Variants in IGSF21 observed in about 807,000 individuals in gnomAD.
IGSF21 encodes immunoglobin superfamily member 21.
Under a neutral mutation model 46.8 loss-of-function variants are expected in IGSF21, and 28 were observed. That is an observed-to-expected ratio of 0.60 (90% CI 0.44 to 0.82). The LOEUF is 0.82. Ranked by LOEUF, IGSF21 falls within the 40% of genes least tolerant of loss-of-function variation. IGSF21 has a pLI of 0.00. For synonymous variants in IGSF21, 284 were observed against 273.6 expected (o/e 1.04, Z -0.38); for missense variants, 624 against 665.5 (o/e 0.94, Z 0.69).
At chr1:18,350,133 T>G (rs750905295) in intron 4 of IGSF21, among the ~76,000 whole-genome samples, 3 of 152,040 alleles carry the variant, frequency 2.0e-5, no homozygotes, top group Non-Finnish European at 4.4e-5. Context: ...TCACCCACTG[T>G]CCACTTGGCT....
intron 2 of IGSF21, among the ~76,000 whole-genome samples, chr1:18,233,685 G>A (rs1292372281): frequency 6.6e-6 from 1 of 152,172 alleles, no homozygotes; most frequent in Admixed American, 6.5e-5. Context: ...TATAGAATAA[G>A]AGGGGAAGGT....
At chr1:18,364,434 A>G (rs894764273) in intron 5 of IGSF21, among the ~76,000 whole-genome samples, 3 of 75,790 alleles carry the variant, frequency 4.0e-5, no homozygotes, top group Non-Finnish European at 7.8e-5. Context: ...CCCTCCACAC[A>G]CTTTCCTTCC....
rs185578026 is a variant in IGSF21 at position 18,154,081 on chromosome 1, C to T, written c.70+45883C>T. ...CTGGCATCCCAGGAGCCACGGTGAG[C>T]CCACTGTCTGTGTGTTTTAGTTAAT... On this transcript the variant is annotated intron_variant, in intron 1 of 9. Coordinates refer to ENST00000251296, the MANE Select transcript of IGSF21 (RefSeq NM_032880.5). Among the ~76,000 whole-genome samples the T allele has an allele frequency of 3.9e-5, 6 of 152,310 alleles. No homozygotes were observed. In the East Asian group the frequency reaches 1.2e-3, roughly 29 times the overall value.
intron 2 of IGSF21, among the ~76,000 whole-genome samples, chr1:18,254,342 A>ACAG (rs1329328984): frequency 1.4e-5 from 2 of 147,098 alleles, no homozygotes; most frequent in African/African-American, 5.1e-5. Flanking sequence ...CTATCTGAAT[A>ACAG]CAGCGAATGG....
chr1:18,322,994 T>C lies in IGSF21; in HGVS notation c.306-11898T>C, dbSNP rs1356299176. Reference sequence around the variant, plus strand: ...AGGGCCCAAGGTGAACAGCAGTGGCTGGACAGGGCAGGAAAGAGCGGTCGG... The same window carrying C: ...AGGGCCCAAGGTGAACAGCAGTGGCCGGACAGGGCAGGAAAGAGCGGTCGG... On this transcript the variant is annotated intron_variant, in intron 3 of 9. Transcript: ENST00000251296. This position sits in a 1 kb window ranked among gnomAD's most constrained non-coding sequence, Gnocchi z 4.3. 6.6e-6 allele frequency among the ~76,000 whole-genome samples: 1 copy of C among 152,034 alleles called. No homozygotes were observed. Among genetic ancestry groups the C allele is most frequent in the Non-Finnish European group, 1.5e-5 (1 of 68,016 alleles).
intron 5 of IGSF21, among the ~76,000 whole-genome samples, chr1:18,364,379 C>T (rs2086136866): frequency 6.6e-6 from 1 of 151,564 alleles, no homozygotes; most frequent in Non-Finnish European, 1.5e-5. Flanking sequence ...TCCTACATTT[C>T]CTACCCCCAT....
chr1:18,224,191 G>A (rs1443057552), intron 1 of IGSF21, among the ~76,000 whole-genome samples: 1 of 152,100 alleles, frequency 6.6e-6, no homozygotes, highest in Admixed American at 6.5e-5. Flanking sequence ...TCCCATTCCT[G>A]GCTCAGGTTC....
At chr1:18,216,146 G>A (rs1162551068) in intron 1 of IGSF21, among the ~76,000 whole-genome samples, 1 of 152,150 alleles carries the variant, frequency 6.6e-6, no homozygotes, top group East Asian at 1.9e-4. Context: ...TCAAGGAGGG[G>A]GTGACCATCA....
chr1:18,271,699 G>A (rs1017605868), intron 2 of IGSF21, among the ~76,000 whole-genome samples: 1 of 152,200 alleles, frequency 6.6e-6, no homozygotes, highest in Non-Finnish European at 1.5e-5. Flanking sequence ...GGAGCAACAT[G>A]GTGGATGGGC....
chr1:18,146,526 G>A (rs1357057942), intron 1 of IGSF21, among the ~76,000 whole-genome samples: 2 of 152,172 alleles, frequency 1.3e-5, no homozygotes, highest in Non-Finnish European at 2.9e-5. Context: ...GGACAGTGAA[G>A]AGTCAGGCTT....
chr1:18,288,953 G>A (rs1042260483), intron 2 of IGSF21, among the ~76,000 whole-genome samples: 2 of 152,222 alleles, frequency 1.3e-5, no homozygotes, highest in South Asian at 2.1e-4. Flanking sequence ...AGGAAAACTA[G>A]TCTCGTCCTT....
chr1:18,120,823 G>A (rs1276914653), intron 1 of IGSF21, among the ~76,000 whole-genome samples: 2 of 152,160 alleles, frequency 1.3e-5, no homozygotes, highest in African/African-American at 2.4e-5. Context: ...CAAAGCGGAA[G>A]CACTAGCGCT....
chr1:18,196,886 C>A (rs922996749), intron 1 of IGSF21, among the ~76,000 whole-genome samples: 1 of 152,130 alleles, frequency 6.6e-6, no homozygotes, highest in African/African-American at 2.4e-5. Context: ...ATGCAAGCCA[C>A]AGAGACAAGT....
intron 2 of IGSF21, among the ~76,000 whole-genome samples, chr1:18,285,391 G>A (rs74380648): frequency 0.037 from 5,556 of 152,208 alleles, 343 homozygotes; most frequent in African/African-American, 0.12. Flanking sequence ...TAGATTTGCT[G>A]GTTGGGGTCA....
intron 1 of IGSF21, among the ~76,000 whole-genome samples, chr1:18,186,725 T>C (rs1440412068): frequency 2.0e-5 from 3 of 152,246 alleles, no homozygotes; most frequent in African/African-American, 4.8e-5. Flanking sequence ...TGTTTTTACC[T>C]TATTTTGCAG....
At chr1:18,209,097 A>G (rs1312037734) in intron 1 of IGSF21, among the ~76,000 whole-genome samples, 1 of 152,236 alleles carries the variant, frequency 6.6e-6, no homozygotes, top group Non-Finnish European at 1.5e-5. Flanking sequence ...GAGTGTGCAC[A>G]TAAGTAAAAA....
At position 18,335,163 on chromosome 1, in the gene IGSF21, G is replaced by A. The variant is rs751470059; in HGVS notation, c.424+153G>A. On this transcript the variant is annotated intron_variant, in intron 4 of 9. Coordinates refer to ENST00000251296, the MANE Select transcript of IGSF21 (RefSeq NM_032880.5). The surrounding 1 kb of genome is among the most constrained non-coding windows in gnomAD (Gnocchi z 4.8). ...CCCTTTCCTGCTCTTGTTGTGGAGG[G>A]GCAACCAGACCAAGCTGAGCCAAGG... Among the ~76,000 whole-genome samples the A allele has an allele frequency of 6.6e-6, 1 of 152,140 alleles. No homozygotes were observed. Among genetic ancestry groups the A allele is most frequent in the Non-Finnish European group, 1.5e-5 (1 of 68,022 alleles).
intron 2 of IGSF21, among the ~76,000 whole-genome samples, chr1:18,283,416 G>A (rs2085181879): frequency 6.6e-6 from 1 of 152,126 alleles, no homozygotes; most frequent in Admixed American, 6.5e-5. Context: ...AGGCCCCCTT[G>A]GGGAGGACAG....
At chr1:18,179,353 A>AG (rs1336687375) in intron 1 of IGSF21, 1 of 152,150 alleles carries the variant, frequency 6.6e-6, no homozygotes, top group East Asian at 1.9e-4. Context: ...TCCCTCAGAG[A>AG]GGGGCCACTG....
Sources: allele counts gnomAD v4.1 joint callset (sites outside exome capture counted in the v4.1 genomes callset), GRCh38; gene constraint gnomAD v4.1.1; non-coding constraint Gnocchi (gnomAD v3.1); transcripts MANE v1.5; gene names NCBI Gene and HGNC (gene_info 2026-07-23, HGNC 2026-07-21).